The following HCN2 variants were observed in gnomAD, a reference collection of about 807,000 sequenced individuals.
The protein encoded by HCN2 is potassium/sodium hyperpolarization-activated cyclic nucleotide-gated channel 2.
In HCN2, 20 loss-of-function variants were observed where a neutral mutation model predicts 52.3. That is an observed-to-expected ratio of 0.38 (90% CI 0.27 to 0.56). The LOEUF is 0.56. HCN2 is among the 20% of genes least tolerant of loss of function. The pLI, the probability that HCN2 is intolerant of heterozygous loss-of-function variation, is 0.71. For synonymous variants in HCN2, 694 were observed against 537.0 expected (o/e 1.29, Z -4.04); for missense variants, 981 against 1,207.7 (o/e 0.81, Z 2.78).
chr19:590,622 G>A lies in HCN2; in HGVS notation c.632+45G>A. Reference sequence around the variant, plus strand: ...CGGTCGGCGCGAGGGGGCCCGGGGAGCCGGGCGCGCGGGGAGCCGTCCTTG... The same window carrying A: ...CGGTCGGCGCGAGGGGGCCCGGGGAACCGGGCGCGCGGGGAGCCGTCCTTG... On this transcript the variant is annotated intron_variant, in intron 1 of 7. Coordinates refer to ENST00000251287, the MANE Select transcript of HCN2 (RefSeq NM_001194.4). This position sits in a 1 kb window ranked among gnomAD's most constrained non-coding sequence, Gnocchi z 7.2. The A allele has an allele frequency of 7.8e-7, 1 of 1,286,572 alleles. No homozygotes were observed. Among genetic ancestry groups the A allele is most frequent in the African/African-American group, 1.5e-5 (1 of 64,898 alleles). 79.7% of individuals were successfully genotyped at this position (1,286,572 alleles called of 1,614,324 possible). A position where few individuals can be genotyped will look rare whatever the true frequency, so the allele number is the denominator to read the frequency against.
intron 3 of HCN2, among the ~76,000 whole-genome samples, chr19:607,312 C>T (rs550242419): frequency 6.6e-6 from 1 of 152,370 alleles, no homozygotes; most frequent in African/African-American, 2.4e-5. Flanking sequence ...TTTGTCCCTG[C>T]CTGGGGAGTG....
At position 590,161 on chromosome 19, in the gene HCN2, G is replaced by A. The variant is rs1982822759; in HGVS notation, c.216G>A (p.Arg72=). The part of the protein sequence containing the change: ...PPEAADEGGP[R]GRLRSRDSSC... ...AGGCGGCGGATGAGGGCGGCCCGCG[G>A]GGCCGGCTCCGCAGCCGCGACAGCT... The change falls in exon 1 of 8, where the codon CGG becomes CGA. Residue 72 remains arginine, a synonymous_variant. Transcript: ENST00000251287. This position sits in a 1 kb window ranked among gnomAD's most constrained non-coding sequence, Gnocchi z 7.2. 1 of 976,796 alleles carries A rather than the reference G, an allele frequency of 1.0e-6. No homozygotes were observed. The highest frequency in any genetic ancestry group is 1.2e-6 in the Non-Finnish European group (1 of 825,908). 60.5% of individuals were successfully genotyped at this position (976,796 alleles called of 1,614,324 possible). A position where few individuals can be genotyped will look rare whatever the true frequency, so the allele number is the denominator to read the frequency against.
At chr19:608,679 C>G (rs543731563) in intron 4 of HCN2, among the ~76,000 whole-genome samples, 1 of 150,538 alleles carries the variant, frequency 6.6e-6, no homozygotes, top group Non-Finnish European at 1.5e-5. Flanking sequence ...GGGAAGCCCC[C>G]GGGCTGAAGG....
At chr19:610,658 G>A (rs935495832) in intron 5 of HCN2, among the ~76,000 whole-genome samples, 2 of 152,210 alleles carry the variant, frequency 1.3e-5, no homozygotes, top group East Asian at 1.9e-4. Context: ...TGACAGGGCG[G>A]GGCAGAAGCA....
At chr19:597,789 G>GTCC (rs532213179) in intron 1 of HCN2, among the ~76,000 whole-genome samples, 306 of 146,384 alleles carry the variant, frequency 2.1e-3, no homozygotes, top group African/African-American at 7.4e-3. Flanking sequence ...TGGTTTCTAG[G>GTCC]CCCTCCTGGT....
Position 613,238 on chromosome 19 carries a change from C to T in HCN2, c.1585-10C>T, listed in dbSNP as rs751277445. 8 of 1,608,164 alleles carry T rather than the reference C, an allele frequency of 5.0e-6. No homozygotes were observed. The Middle Eastern group carries it at 6.9e-4, about 140-fold the overall frequency. On this transcript the variant is annotated splice_polypyrimidine_tract_variant and intron_variant, in intron 5 of 7. Transcript: ENST00000251287. ...TCCGCAGCGGACCCAGCCCTGCCTC[C>T]CCCCTGCAGGAGATCGTCAACTTCA...
At chr19:601,618 G>A (rs1023808866) in intron 1 of HCN2, among the ~76,000 whole-genome samples, 7 of 152,156 alleles carry the variant, frequency 4.6e-5, no homozygotes, top group South Asian at 2.1e-4. Flanking sequence ...GTGCTCGTCC[G>A]TCCTTGTTTT....
intron 4 of HCN2, 37 bp from the exon 5 acceptor site, chr19:610,222 G>T (rs766945422): frequency 6.2e-7 from 1 of 1,604,336 alleles, no homozygotes; most frequent in Non-Finnish European, 8.5e-7. Context: ...TGCAGGCCGG[G>T]GGCGGTGTCT....
chr19:599,103 G>A (rs776445615), intron 1 of HCN2, among the ~76,000 whole-genome samples: 1 of 152,266 alleles, frequency 6.6e-6, no homozygotes, highest in African/African-American at 2.4e-5. Context: ...ATGCCACCAC[G>A]ATGTGAGTCG....
At chr19:598,406 G>C (rs552146928) in intron 1 of HCN2, among the ~76,000 whole-genome samples, 6 of 150,888 alleles carry the variant, frequency 4.0e-5, no homozygotes, top group East Asian at 2.0e-4. Flanking sequence ...TCATGGGCTC[G>C]AGCAATCCTC....
At position 613,805 on chromosome 19, in the gene HCN2, G is replaced by A; in HGVS notation, c.1826-47G>A. 2.1e-6 allele frequency: 3 copies of A among 1,451,692 alleles called. No homozygotes were observed. The South Asian group carries it at 4.4e-5, about 21-fold the overall frequency. The allele number at this position is 1,451,692 out of a possible 1,614,324, so 89.9% of individuals were successfully genotyped here. A position where few individuals can be genotyped will look rare whatever the true frequency, so the allele number is the denominator to read the frequency against. ...GCCGTGTGCCTGGGCGGGGAGGGCC[G>A]CGGCGCCCGCCTCGTCCAGCAACCC... On this transcript the variant is annotated intron_variant, in intron 6 of 7. Transcript: ENST00000251287.
Position 615,984 on chromosome 19 carries a change from T to A in HCN2, c.2180T>A (p.Ile727Asn), listed in dbSNP as rs780998820. 1 of 1,590,898 alleles carries A rather than the reference T, an allele frequency of 6.3e-7. No individual in the cohort carries two copies. Among genetic ancestry groups the A allele is most frequent in the Non-Finnish European group, 8.5e-7 (1 of 1,172,250 alleles). The change falls in exon 8 of 8, where the codon ATC (isoleucine) becomes AAC (asparagine). Residue 727 changes from isoleucine (I) to asparagine (N), a missense_variant. Physicochemically the swap from Ile to Asn is moderately radical, Grantham distance 149. Around this residue, in one of 6 missense-constraint regions of HCN2, gnomAD observed 368 missense variants for 314.8 expected, o/e 1.17. Coordinates refer to ENST00000251287, the MANE Select transcript of HCN2 (RefSeq NM_001194.4). ...PPPPPQVTSA[I>N]ATLQQAAAMS... ...CCGCCGCCGCAGGTCACCTCGGCCATCGCCACGCTGCAGCAGGCGGCGGCC... is the reference window on the plus strand; with the variant it reads ...CCGCCGCCGCAGGTCACCTCGGCCAACGCCACGCTGCAGCAGGCGGCGGCC...
intron 1 of HCN2, among the ~76,000 whole-genome samples, chr19:598,851 G>T (rs942852968): frequency 6.6e-6 from 1 of 152,166 alleles, no homozygotes; most frequent in African/African-American, 2.4e-5. Context: ...CTTGTAATCT[G>T]CCCGCCTCAG....
At chr19:615,044 G>C (rs957094393) in intron 7 of HCN2, among the ~76,000 whole-genome samples, 1 of 152,146 alleles carries the variant, frequency 6.6e-6, no homozygotes, top group African/African-American at 2.4e-5. Flanking sequence ...CAGGTGCTTA[G>C]GTTATAACTT....
intron 5 of HCN2, among the ~76,000 whole-genome samples, chr19:612,427 T>TGTGTGTTTGTGTGAGA: frequency 3.5e-5 from 5 of 142,256 alleles, no homozygotes; most frequent in Middle Eastern, 3.4e-3. Context: ...TGTGTGTGTG[T>TGTGTGTTTGTGTGAGA]GAGAGAGAGA....
intron 3 of HCN2, among the ~76,000 whole-genome samples, chr19:607,219 CCTAG>C (rs1441274929): frequency 6.6e-6 from 1 of 152,236 alleles, no homozygotes; most frequent in Non-Finnish European, 1.5e-5. Context: ...CTCCTTGCTT[CCTAG>C]CTGAGATGTG....
chr19:616,576 A>T lies in HCN2; in HGVS notation c.*102A>T. 2 of 702,538 alleles carry T rather than the reference A, an allele frequency of 2.8e-6. No homozygotes were observed. Among genetic ancestry groups the T allele is most frequent in the Non-Finnish European group, 3.7e-6 (2 of 538,310 alleles). The allele number at this position is 702,538 out of a possible 1,614,324, so 43.5% of individuals were successfully genotyped here. A position where few individuals can be genotyped will look rare whatever the true frequency, so the allele number is the denominator to read the frequency against. On this transcript the variant is annotated 3_prime_UTR_variant, in exon 8 of 8. Transcript: ENST00000251287. ...TGCCCCGGCCGCCAGTCCGCCCAGA[A>T]GCCATAGACGAGACGTAGGTAGCCG...
chr19:608,615 G>A (rs1983504469), intron 4 of HCN2, among the ~76,000 whole-genome samples: 1 of 149,720 alleles, frequency 6.7e-6, no homozygotes, highest in African/African-American at 2.4e-5. Context: ...ATGCAGGCTG[G>A]GCAGGAAGGG....
chr19:613,899 G>C lies in HCN2; in HGVS notation c.1873G>C (p.Asp625His). Residue 625 changes from aspartate (D) to histidine (H), a missense_variant, in exon 7 of 8, where the codon GAC becomes CAC. This residue lies in a region of HCN2 where 85 missense variants were observed against 106.1 expected (regional missense o/e 0.80). Transcript: ENST00000251287. ...RGRRTASVRA[D>H]TYCRLYSLSV... ...CCGCCGCACGGCGAGCGTGCGGGCT[G>C]ACACCTACTGCCGCCTCTATTCGCT... The C allele has an allele frequency of 6.2e-7, 1 of 1,601,194 alleles. No homozygotes were observed. The highest frequency in any genetic ancestry group is 2.3e-5 in the East Asian group (1 of 44,356).
Sources: allele counts gnomAD v4.1 joint callset (sites outside exome capture counted in the v4.1 genomes callset), GRCh38; gene constraint gnomAD v4.1.1; regional missense constraint gnomAD v4.1.1; non-coding constraint Gnocchi (gnomAD v3.1); transcripts MANE v1.5; gene names NCBI Gene and HGNC (gene_info 2026-07-23, HGNC 2026-07-21).